ATP2B4: variants seen among roughly 807,000 people sequenced by gnomAD.
The protein encoded by ATP2B4 is plasma membrane calcium-transporting ATPase 4.
Under a neutral mutation model 110.3 loss-of-function variants are expected in ATP2B4, and 39 were observed. The observed-to-expected ratio is 0.35, with a 90% CI of 0.27 to 0.46. The LOEUF is 0.46. ATP2B4 is among the 20% of genes least tolerant of loss of function. The probability of loss-of-function intolerance (pLI) is 1.00; values close to 1 mark genes in which losing one functional copy is unlikely to be tolerated. For synonymous variants in ATP2B4, 538 were observed against 571.7 expected (o/e 0.94, Z 0.84); for missense variants, 1,135 against 1,530.9 (o/e 0.74, Z 4.32).
chr1:203,731,805 GTGC>G (rs1425030840), intron 20 of ATP2B4, among the ~76,000 whole-genome samples: 4 of 139,966 alleles, frequency 2.9e-5, no homozygotes, highest in South Asian at 2.3e-4. Context: ...AGCCAAGATC[GTGC>G]CATTGCACTC....
At position 203,739,835 on chromosome 1, in the gene ATP2B4, G is replaced by C. The variant is rs771169484; in HGVS notation, c.3599G>C (p.Ser1200Thr). ...QLPQSDSSLQ[S>T]LETSV ...CCCCAGTCGGACAGCTCTCTACAGA[G>C]CCTAGAGACATCAGTTTGAATTTTC... is the stretch of plus-strand genomic sequence containing the variant. Residue 1200 changes from serine to threonine, a missense_variant, in exon 21 of 21, where the codon AGC becomes ACC. Physicochemically the swap from Ser to Thr is moderately conservative, Grantham distance 58 (BLOSUM62 1). Around this residue, in one of 9 missense-constraint regions of ATP2B4, gnomAD observed 92 missense variants for 82.5 expected, o/e 1.11. Coordinates refer to ENST00000357681, the MANE Select transcript of ATP2B4 (RefSeq NM_001684.5). 6 of 1,607,302 alleles carry C rather than the reference G, an allele frequency of 3.7e-6. No individual in the cohort carries two copies. Among genetic ancestry groups the C allele is most frequent in the Non-Finnish European group, 3.4e-6 (4 of 1,176,134 alleles).
At chr1:203,701,446 AAG>A (rs1432115875) in intron 6 of ATP2B4, among the ~76,000 whole-genome samples, 1 of 152,208 alleles carries the variant, frequency 6.6e-6, no homozygotes, top group African/African-American at 2.4e-5. Context: ...AGGAAAGAAT[AAG>A]AGGGAGAAAG....
intron 2 of ATP2B4, among the ~76,000 whole-genome samples, chr1:203,692,407 G>A (rs1665408233): frequency 6.6e-6 from 1 of 152,062 alleles, no homozygotes; most frequent in Non-Finnish European, 1.5e-5. Flanking sequence ...TCGAACTCCT[G>A]AGCTCAAGCT....
chr1:203,735,219 G>T (rs957854994), intron 20 of ATP2B4, among the ~76,000 whole-genome samples: 14 of 152,104 alleles, frequency 9.2e-5, no homozygotes, highest in Non-Finnish European at 8.8e-5. Flanking sequence ...GTTTCAGGAA[G>T]CCCTTTCTCA....
At chr1:203,735,826 C>T (rs1224073738) in intron 20 of ATP2B4, among the ~76,000 whole-genome samples, 1 of 152,116 alleles carries the variant, frequency 6.6e-6, no homozygotes, top group Non-Finnish European at 1.5e-5. Flanking sequence ...TTTAATCATC[C>T]CTTTCTGATA....
chr1:203,720,870 CT>C (rs758072611), intron 16 of ATP2B4, 130 bp downstream of exon 16: 3 of 1,138,634 alleles, frequency 2.6e-6, no homozygotes, highest in East Asian at 5.1e-5. Flanking sequence ...CAGGAGTTAG[CT>C]CTTCTAAGTC....
At chr1:203,714,096 A>G in intron 14 of ATP2B4, 75 bp from the exon 15 acceptor site, 1 of 1,342,032 alleles carries the variant, frequency 7.5e-7, no homozygotes, top group South Asian at 1.2e-5. Context: ...AGAAAGTAGA[A>G]GGAGTGGCGG....
intron 15 of ATP2B4, among the ~76,000 whole-genome samples, chr1:203,718,104 T>C (rs1252957535): frequency 6.6e-6 from 1 of 152,154 alleles, no homozygotes; most frequent in Admixed American, 6.5e-5. Flanking sequence ...CTTGCTTTTG[T>C]GTTTGTTTTG....
rs113421308 is a variant in ATP2B4 at position 203,641,654 on chromosome 1, C to A, written c.-465+14435C>A. Among the ~76,000 whole-genome samples, 824 of 152,284 alleles carry A rather than the reference C, an allele frequency of 5.4e-3. 7 individuals carry two copies. The highest frequency in any genetic ancestry group is 0.019 in the African/African-American group (793 of 41,550). ...ATCTGTAATCCTTACTACACTCTTA[C>A]AACATGCTATGGTTCCCATTTTACA... On this transcript the variant is annotated intron_variant, in intron 1 of 20. Coordinates refer to ENST00000357681, the MANE Select transcript of ATP2B4 (RefSeq NM_001684.5).
At chr1:203,711,876 G>A (rs1666018188) in intron 12 of ATP2B4, 84 bp from the exon 13 acceptor site, 1 of 1,497,332 alleles carries the variant, frequency 6.7e-7, no homozygotes, top group African/African-American at 1.4e-5. Flanking sequence ...TCTCCTGTCT[G>A]CCACAAAGGG....
chr1:203,713,902 G>A (rs1336539876), intron 14 of ATP2B4, among the ~76,000 whole-genome samples: 1 of 152,140 alleles, frequency 6.6e-6, no homozygotes, highest in East Asian at 1.9e-4. Context: ...TTACCCAGCT[G>A]GTACGTGGAA....
In ATP2B4 at chr1:203,742,483, C is replaced by T. The variant is rs996403654; in HGVS notation, c.*2629C>T. The T allele has an allele frequency of 6.6e-6, 1 of 152,604 alleles. No individual in the cohort carries two copies. Among genetic ancestry groups the T allele is most frequent in the Non-Finnish European group, 1.5e-5 (1 of 68,046 alleles). 9.5% of individuals were successfully genotyped at this position (152,604 alleles called of 1,614,324 possible). ...GGCATAAGTTAATAACACTTTTCCC[C>T]AAAATGGTGCTTTGGATTTGAAAAG... On this transcript the variant is annotated 3_prime_UTR_variant, in exon 21 of 21. Coordinates refer to ENST00000357681, the MANE Select transcript of ATP2B4 (RefSeq NM_001684.5).
At chr1:203,735,002 C>CAAAAAAAAAAA (rs35552196) in intron 20 of ATP2B4, among the ~76,000 whole-genome samples, 6 of 57,126 alleles carry the variant, frequency 1.1e-4, no homozygotes, top group South Asian at 8.8e-4. Flanking sequence ...GACTCCATCT[C>CAAAAAAAAAAA]AAAAAAAAAA....
At chr1:203,627,955 A>T (rs941758124) in intron 1 of ATP2B4, among the ~76,000 whole-genome samples, 2 of 152,188 alleles carry the variant, frequency 1.3e-5, no homozygotes, top group Non-Finnish European at 2.9e-5. Flanking sequence ...AGTGTGTGTG[A>T]GCGTCCAGAA....
rs935741247 is a variant in ATP2B4 at position 203,709,414 on chromosome 1, G to T, written c.1671G>T (p.Val557=). The change falls in exon 11 of 21, where the codon GTG becomes GTT. Residue 557 remains valine (V), a synonymous_variant. Coordinates refer to ENST00000357681, the MANE Select transcript of ATP2B4 (RefSeq NM_001684.5). ...KQDYQAVRNE[V]PEEKLYKVYT... ...ATTATCAGGCTGTGCGTAATGAAGT[G>T]CCCGAGGAGAAGCTCTACAAGGTGT... is the stretch of plus-strand genomic sequence containing the variant. The T allele has an allele frequency of 5.0e-6, 8 of 1,614,214 alleles. No individual in the cohort carries two copies. The highest frequency in any genetic ancestry group is 5.9e-6 in the Non-Finnish European group (7 of 1,180,036).
chr1:203,696,267 T>C (rs1188466963), intron 2 of ATP2B4, among the ~76,000 whole-genome samples: 1 of 152,058 alleles, frequency 6.6e-6, no homozygotes, highest in East Asian at 1.9e-4. Flanking sequence ...CAGTGAAGAG[T>C]AGACATTTGC....
At chr1:203,680,034 C>T (rs1558030541) in intron 1 of ATP2B4, among the ~76,000 whole-genome samples, 1 of 142,280 alleles carries the variant, frequency 7.0e-6, no homozygotes, top group Non-Finnish European at 1.5e-5. Flanking sequence ...GCATTCCGGC[C>T]TGGGTGACAG....
At chr1:203,701,533 A>C (rs1665692861) in intron 6 of ATP2B4, among the ~76,000 whole-genome samples, 1 of 152,202 alleles carries the variant, frequency 6.6e-6, no homozygotes, top group African/African-American at 2.4e-5. Context: ...GAAGGTTTCT[A>C]CCACTTGGCT....
chr1:203,652,832 C>T (rs770246621), intron 1 of ATP2B4, among the ~76,000 whole-genome samples: 1 of 152,228 alleles, frequency 6.6e-6, no homozygotes, highest in Non-Finnish European at 1.5e-5. Context: ...TTCTTCATCT[C>T]TCTCTTTCTC....
Sources: allele counts gnomAD v4.1 joint callset (sites outside exome capture counted in the v4.1 genomes callset), GRCh38; gene constraint gnomAD v4.1.1; regional missense constraint gnomAD v4.1.1; transcripts MANE v1.5; gene names NCBI Gene and HGNC (gene_info 2026-07-23, HGNC 2026-07-21).